FLRT3: variants seen among roughly 807,000 people sequenced by gnomAD.
The protein encoded by FLRT3 is fibronectin leucine rich transmembrane protein 3, also known as leucine-rich repeat transmembrane protein FLRT3.
A neutral mutation model predicts 42.6 loss-of-function variants in FLRT3; 17 were observed. That is an observed-to-expected ratio of 0.40 (90% CI 0.27 to 0.60). The LOEUF is 0.60. Among genes scored for constraint, FLRT3 ranks in the 20% least tolerant of loss-of-function variants. The pLI is 0.44. For missense variants in FLRT3, 635 were observed against 789.2 expected, an observed-to-expected ratio of 0.80 and a Z score of 2.34; for synonymous variants, 279 against 286.4, an observed-to-expected ratio of 0.97 and a Z score of 0.26.
In FLRT3 at chr20:14,324,199, G is replaced by C. The variant is rs1482833269; in HGVS notation, c.*1358C>G. On this transcript the variant is annotated 3_prime_UTR_variant, in exon 3 of 3. Coordinates refer to ENST00000341420, the MANE Select transcript of FLRT3 (RefSeq NM_198391.3). The stretch of plus-strand genomic sequence containing the variant: ...CATATTTAAGGAGTATGAAAAATTT[G>C]TGGAGTTTTAAAAGCTGAATACATG... The C allele has an allele frequency of 6.6e-6, 1 of 152,442 alleles. No individual in the cohort carries two copies. The highest frequency in any genetic ancestry group is 1.5e-5 in the Non-Finnish European group (1 of 68,006). 9.4% of individuals were successfully genotyped at this position (152,442 alleles called of 1,614,324 possible).
chr20:14,326,900 G>A lies in FLRT3; in HGVS notation c.607C>T (p.Arg203Cys), dbSNP rs369943098. ...PSLQGLTSLK[R>C]LVLDGNLLNN... ...AACAGGTTTCCATCTAGAACCAGGC[G>A]TTTTAGACTAGTGAGACCTTGAAGA... The change falls in exon 3 of 3, where the codon CGC becomes TGC. Residue 203 changes from arginine (R) to cysteine (C), a missense_variant. Arg to Cys is a radical substitution (Grantham distance 180). Transcript: ENST00000341420. The surrounding 1 kb of genome is among the most constrained non-coding windows in gnomAD (Gnocchi z 5.5). 8.1e-6 allele frequency: 13 copies of A among 1,613,596 alleles called. No homozygotes were observed. Among genetic ancestry groups the A allele is most frequent in the African/African-American group, 1.3e-5 (1 of 74,878 alleles).
At chr20:14,335,640 G>A (rs2082922044) in intron 1 of FLRT3, among the ~76,000 whole-genome samples, 1 of 151,972 alleles carries the variant, frequency 6.6e-6, no homozygotes, top group Non-Finnish European at 1.5e-5. Flanking sequence ...TAAAGGGTGG[G>A]GTGCAGCGAA....
chr20:14,331,733 G>A lies in FLRT3; in HGVS notation c.-246-2406C>T, dbSNP rs145602511. Among the ~76,000 whole-genome samples the A allele has an allele frequency of 4.7e-3, 712 of 152,118 alleles. 2 individuals carry two copies. Among genetic ancestry groups the A allele is most frequent in the African/African-American group, 0.017 (692 of 41,518 alleles). Reference sequence around the variant, plus strand: ...GGGTTTTGGTTTTGGCATATTAAAGGCTGCAAGGATCTCTTCATCAAAAAT... The same window carrying A: ...GGGTTTTGGTTTTGGCATATTAAAGACTGCAAGGATCTCTTCATCAAAAAT... On this transcript the variant is annotated intron_variant, in intron 1 of 2. Coordinates refer to ENST00000341420, the MANE Select transcript of FLRT3 (RefSeq NM_198391.3).
At chr20:14,330,646 G>A (rs985377297) in intron 1 of FLRT3, among the ~76,000 whole-genome samples, 8 of 152,008 alleles carry the variant, frequency 5.3e-5, no homozygotes, top group East Asian at 1.9e-4. Flanking sequence ...TATTATTTAC[G>A]CAACTTGAAA....
At position 14,325,669 on chromosome 20, in the gene FLRT3, G is replaced by C; in HGVS notation, c.1838C>G (p.Thr613Ser). ...PISKEEFVIH[T>S]IFPPNGMNLY... Reference sequence around the variant, plus strand: ...ATTCATTCCATTAGGAGGAAATATGGTGTGTATTACAAACTCCTCCTTCGA... The same window carrying C: ...ATTCATTCCATTAGGAGGAAATATGCTGTGTATTACAAACTCCTCCTTCGA... Residue 613 changes from threonine to serine, a missense_variant, in exon 3 of 3, where the codon ACC becomes AGC. Transcript: ENST00000341420. 3.1e-6 allele frequency: 5 copies of C among 1,613,774 alleles called. No homozygotes were observed. The highest frequency in any genetic ancestry group is 3.4e-6 in the Non-Finnish European group (4 of 1,179,766).
chr20:14,329,751 G>A (rs1199029824), intron 1 of FLRT3, among the ~76,000 whole-genome samples: 1 of 152,050 alleles, frequency 6.6e-6, no homozygotes, highest in Non-Finnish European at 1.5e-5. Context: ...TTCTGAACAT[G>A]ATTTAACAAA....
At chr20:14,332,138 G>A (rs115174825) in intron 1 of FLRT3, among the ~76,000 whole-genome samples, 2,286 of 152,098 alleles carry the variant, frequency 0.015, 23 homozygotes, top group African/African-American at 0.027. Context: ...CCTCACTGAT[G>A]AATCAAATTT....
At chr20:14,335,455 T>C (rs1194209149) in intron 1 of FLRT3, among the ~76,000 whole-genome samples, 1 of 152,192 alleles carries the variant, frequency 6.6e-6, no homozygotes, top group East Asian at 1.9e-4. Context: ...TAATTAACAC[T>C]TGAAAGCAAA....
Position 14,325,909 on chromosome 20 carries a change from A to G in FLRT3, c.1598T>C (p.Ile533Thr), listed in dbSNP as rs745656367. The G allele has an allele frequency of 7.4e-6, 12 of 1,613,972 alleles. No individual in the cohort carries two copies. Among genetic ancestry groups the G allele is most frequent in the South Asian group, 1.1e-5 (1 of 91,082 alleles). Reference protein sequence around the residue: ...KNPNLPLAAIIGGAVALVTIA... With the variant: ...KNPNLPLAAITGGAVALVTIA... The stretch of plus-strand genomic sequence containing the variant: ...GGTAACCAGGGCCACAGCCCCACCA[A>G]TGATGGCAGCCAAAGGTAAATTGGG... Residue 533 changes from isoleucine to threonine, a missense_variant, in exon 3 of 3, where the codon ATT becomes ACT. By Grantham distance (89) the Ile-to-Thr change is moderately conservative. Coordinates refer to ENST00000341420, the MANE Select transcript of FLRT3 (RefSeq NM_198391.3).
At position 14,324,940 on chromosome 20, in the gene FLRT3, A is replaced by T. The variant is rs1023274299; in HGVS notation, c.*617T>A. 6.6e-6 allele frequency: 1 copy of T among 152,596 alleles called. No individual in the cohort carries two copies. The highest frequency in any genetic ancestry group is 2.4e-5 in the African/African-American group (1 of 41,440). The allele number at this position is 152,596 out of a possible 1,614,324, so 9.5% of individuals were successfully genotyped here. A position where few individuals can be genotyped will look rare whatever the true frequency, so the allele number is the denominator to read the frequency against. On this transcript the variant is annotated 3_prime_UTR_variant, in exon 3 of 3. Transcript: ENST00000341420. Reference sequence around the variant, plus strand: ...GAAGATATGCTTAACTTTTTTAAGGATAATTAATTTGCCTAGAGCAAAAAT... The same window carrying T: ...GAAGATATGCTTAACTTTTTTAAGGTTAATTAATTTGCCTAGAGCAAAAAT...
Position 14,327,378 on chromosome 20 carries a change from G to A in FLRT3, c.129C>T (p.Tyr43=), listed in dbSNP as rs2122583110. The change falls in exon 3 of 3, where the codon TAC becomes TAT. Residue 43 remains tyrosine, a synonymous_variant. Transcript: ENST00000341420. The part of the protein sequence containing the change: ...SVCRCDAGFI[Y]CNDRFLTSIP... ...TGGATGTCAGAAAGCGATCATTACA[G>A]TAAATGAAACCCGCATCGCAGCGAC... 1 of 1,613,734 alleles carries A rather than the reference G, an allele frequency of 6.2e-7. No individual in the cohort carries two copies. The highest frequency in any genetic ancestry group is 8.5e-7 in the Non-Finnish European group (1 of 1,179,724).
intron 1 of FLRT3, among the ~76,000 whole-genome samples, chr20:14,332,134 T>C (rs2082853927): frequency 2.6e-5 from 4 of 152,132 alleles, no homozygotes; most frequent in African/African-American, 7.2e-5. Flanking sequence ...ACCACCTCAC[T>C]GATGAATCAA....
chr20:14,325,895 C>A lies in FLRT3; in HGVS notation c.1612G>T (p.Ala538Ser). Residue 538 changes from alanine to serine, a missense_variant, in exon 3 of 3, where the codon GCC becomes TCC. Ala to Ser is a moderately conservative substitution (Grantham distance 99, BLOSUM62 1). Coordinates refer to ENST00000341420, the MANE Select transcript of FLRT3 (RefSeq NM_198391.3). ...PLAAIIGGAV[A>S]LVTIALLALV... The stretch of plus-strand genomic sequence containing the variant: ...GCAAGAAGGGCAATGGTAACCAGGG[C>A]CACAGCCCCACCAATGATGGCAGCC... 4 of 1,613,916 alleles carry A rather than the reference C, an allele frequency of 2.5e-6. No homozygotes were observed. The highest frequency in any genetic ancestry group is 3.4e-6 in the Non-Finnish European group (4 of 1,179,878).
At chr20:14,330,224 A>G (rs1018132678) in intron 1 of FLRT3, among the ~76,000 whole-genome samples, 1 of 151,998 alleles carries the variant, frequency 6.6e-6, no homozygotes, top group Non-Finnish European at 1.5e-5. Flanking sequence ...GACTAAAGAG[A>G]TCATTGAATT....
chr20:14,323,849 G>C lies in FLRT3; in HGVS notation c.*1708C>G, dbSNP rs1228551855. The C allele has an allele frequency of 6.6e-6, 1 of 152,136 alleles. No individual in the cohort carries two copies. The highest frequency in any genetic ancestry group is 1.9e-4 in the East Asian group (1 of 5,198). The allele number at this position is 152,136 out of a possible 1,614,324, so 9.4% of individuals were successfully genotyped here. Reference sequence around the variant, plus strand: ...CAAAGACCACCTTAAAAAGTATCAGGACAGTGGCAGCAGTGCGCCTAAGAG... The same window carrying C: ...CAAAGACCACCTTAAAAAGTATCAGCACAGTGGCAGCAGTGCGCCTAAGAG... On this transcript the variant is annotated 3_prime_UTR_variant, in exon 3 of 3. Coordinates refer to ENST00000341420, the MANE Select transcript of FLRT3 (RefSeq NM_198391.3).
intron 2 of FLRT3, among the ~76,000 whole-genome samples, chr20:14,328,158 C>A (rs2082769418): frequency 6.6e-6 from 1 of 151,962 alleles, no homozygotes; most frequent in Non-Finnish European, 1.5e-5. Flanking sequence ...ATTTCATTTT[C>A]TTTGGTTATT....
At chr20:14,332,885 C>T (rs926459265) in intron 1 of FLRT3, among the ~76,000 whole-genome samples, 2 of 151,978 alleles carry the variant, frequency 1.3e-5, no homozygotes, top group Non-Finnish European at 2.9e-5. Flanking sequence ...AAAAGCTCAA[C>T]CTGTGAATGC....
intron 2 of FLRT3, among the ~76,000 whole-genome samples, chr20:14,328,523 G>A (rs1453029076): frequency 1.3e-5 from 2 of 152,046 alleles, no homozygotes; most frequent in African/African-American, 2.4e-5. Flanking sequence ...GTCCTTTTAA[G>A]TATTAATTAG....
chr20:14,335,323 A>G (rs1205844169), intron 1 of FLRT3, among the ~76,000 whole-genome samples: 2 of 152,190 alleles, frequency 1.3e-5, no homozygotes, highest in Admixed American at 6.5e-5. Flanking sequence ...CTAGAGAAGA[A>G]ACTGGGGTAA....
Sources: allele counts gnomAD v4.1 joint callset (sites outside exome capture counted in the v4.1 genomes callset), GRCh38; gene constraint gnomAD v4.1.1; non-coding constraint Gnocchi (gnomAD v3.1); transcripts MANE v1.5; gene names NCBI Gene and HGNC (gene_info 2026-07-23, HGNC 2026-07-21).